Variants in BANK1 observed in about 807,000 individuals in gnomAD.
The protein encoded by BANK1 is B-cell scaffold protein with ankyrin repeats.
BANK1 carries 95 observed loss-of-function variants against 94.5 expected under a neutral mutation model. The ratio of observed to expected loss-of-function variants is 1.00; its 90% CI spans 0.85 to 1.19. The LOEUF is 1.19. Ranked by LOEUF, BANK1 falls within the 50% of genes most tolerant of loss-of-function variation. The pLI, the probability that BANK1 is intolerant of heterozygous loss-of-function variation, is 0.00. For synonymous variants in BANK1, 334 were observed against 308.4 expected, an observed-to-expected ratio of 1.08 and a Z score of -0.87; for missense variants, 987 against 932.2, an observed-to-expected ratio of 1.06 and a Z score of -0.77.
chr4:101,906,344 G>T (rs192493944), intron 6 of BANK1, among the ~76,000 whole-genome samples: 1 of 152,090 alleles, frequency 6.6e-6, no homozygotes, highest in Non-Finnish European at 1.5e-5. Flanking sequence ...CCTGTTGATC[G>T]GGGGGTATAT....
intron 2 of BANK1, among the ~76,000 whole-genome samples, chr4:101,836,504 C>CA: frequency 6.6e-6 from 1 of 152,096 alleles, no homozygotes; most frequent in African/African-American, 2.4e-5. Context: ...GAAACAAAAA[C>CA]AAAAAAATTT....
At chr4:101,833,681 T>C (rs1398777654) in intron 2 of BANK1, among the ~76,000 whole-genome samples, 2 of 152,238 alleles carry the variant, frequency 1.3e-5, no homozygotes, top group Non-Finnish European at 2.9e-5. Context: ...ATCACTGTTT[T>C]AGGAAACAGT....
intron 2 of BANK1, among the ~76,000 whole-genome samples, chr4:101,847,233 GTGTA>G (rs1727283529): frequency 7.5e-6 from 1 of 132,726 alleles, no homozygotes; most frequent in Non-Finnish European, 1.6e-5. Flanking sequence ...GTGTGTGTGT[GTGTA>G]TGTATATAGT....
At chr4:101,999,421 GA>G (rs960525410) in intron 7 of BANK1, among the ~76,000 whole-genome samples, 15 of 152,066 alleles carry the variant, frequency 9.9e-5, no homozygotes, top group African/African-American at 3.6e-4. Context: ...TTGTTTCAAA[GA>G]AAATGGATGT....
At chr4:101,819,301 T>A (rs554308888) in intron 1 of BANK1, among the ~76,000 whole-genome samples, 1 of 152,320 alleles carries the variant, frequency 6.6e-6, no homozygotes, top group East Asian at 1.9e-4. Flanking sequence ...GGAAGATTTA[T>A]GGTACCCATG....
intron 13 of BANK1, among the ~76,000 whole-genome samples, chr4:102,069,685 A>G (rs778403161): frequency 6.6e-6 from 1 of 152,262 alleles, no homozygotes; most frequent in Non-Finnish European, 1.5e-5. Flanking sequence ...CAAACTGGAA[A>G]CAATTAAACT....
chr4:101,838,911 G>C (rs1210312168), intron 2 of BANK1, among the ~76,000 whole-genome samples: 1 of 152,138 alleles, frequency 6.6e-6, no homozygotes, highest in African/African-American at 2.4e-5. Flanking sequence ...TAAGGTATAG[G>C]ATCATGTGAG....
At chr4:101,845,161 T>G (rs1022003277) in intron 2 of BANK1, among the ~76,000 whole-genome samples, 1 of 152,158 alleles carries the variant, frequency 6.6e-6, no homozygotes, top group African/African-American at 2.4e-5. Flanking sequence ...CGTTCCATGA[T>G]GTGATTATTA....
At chr4:102,018,630 T>C (rs997505336) in intron 7 of BANK1, among the ~76,000 whole-genome samples, 1 of 152,218 alleles carries the variant, frequency 6.6e-6, no homozygotes, top group East Asian at 1.9e-4. Context: ...CTACAAGGAC[T>C]ATCTGTGGGT....
intron 2 of BANK1, among the ~76,000 whole-genome samples, chr4:101,853,668 A>C (rs1336996220): frequency 6.6e-6 from 1 of 152,106 alleles, no homozygotes; most frequent in East Asian, 1.9e-4. Context: ...TTATGATTTG[A>C]CATATTAATG....
intron 7 of BANK1, among the ~76,000 whole-genome samples, chr4:101,937,013 A>G (rs1167317945): frequency 1.3e-5 from 2 of 151,702 alleles, no homozygotes; most frequent in Non-Finnish European, 3.0e-5. Flanking sequence ...TGTTTATTGC[A>G]GTACTGTTCA....
At chr4:102,037,345 A>C (rs1727542568) in intron 10 of BANK1, among the ~76,000 whole-genome samples, 1 of 152,258 alleles carries the variant, frequency 6.6e-6, no homozygotes, top group Non-Finnish European at 1.5e-5. Context: ...TTCCATTGTT[A>C]AGCCAGAGTA....
intron 7 of BANK1, among the ~76,000 whole-genome samples, chr4:101,980,490 G>C (rs1725292330): frequency 6.6e-6 from 1 of 151,350 alleles, no homozygotes; most frequent in Non-Finnish European, 1.5e-5. Context: ...TCATAAATGA[G>C]TCGTGACAGT....
chr4:102,021,963 A>G (rs1484491580), intron 8 of BANK1, among the ~76,000 whole-genome samples: 3 of 152,058 alleles, frequency 2.0e-5, no homozygotes, highest in Non-Finnish European at 4.4e-5. Context: ...TTGAACTAGA[A>G]TACTCTCTAA....
chr4:101,978,108 C>A (rs999604123), intron 7 of BANK1, among the ~76,000 whole-genome samples: 1 of 149,944 alleles, frequency 6.7e-6, no homozygotes, highest in Non-Finnish European at 1.5e-5. Flanking sequence ...GGAGTATTTT[C>A]CAAAACATTT....
intron 7 of BANK1, among the ~76,000 whole-genome samples, chr4:101,995,274 C>T (rs1282342103): frequency 6.6e-6 from 1 of 152,164 alleles, no homozygotes; most frequent in Non-Finnish European, 1.5e-5. Context: ...AGGACATGAA[C>T]TCATTCTTCT....
intron 12 of BANK1, chr4:102,061,590 T>C (rs911804596): frequency 1.3e-5 from 2 of 152,216 alleles, no homozygotes; most frequent in African/African-American, 4.8e-5. Context: ...ATTTTATAGA[T>C]TTTGTTGAAG....
At chr4:101,823,570 A>G (rs936374270) in intron 1 of BANK1, among the ~76,000 whole-genome samples, 1 of 152,182 alleles carries the variant, frequency 6.6e-6, no homozygotes, top group African/African-American at 2.4e-5. Context: ...CAATTTTATG[A>G]ATGGGCCAAC....
chr4:101,832,855 C>T (rs1347651335), intron 2 of BANK1, among the ~76,000 whole-genome samples: 2 of 151,244 alleles, frequency 1.3e-5, no homozygotes, highest in East Asian at 1.9e-4. Flanking sequence ...TCTTTTCCTC[C>T]CTCCCTCCCT....
Sources: gnomAD v4.1 joint callset for allele counts (sites outside exome capture counted in the v4.1 genomes callset) on GRCh38, gnomAD v4.1.1 for gene constraint, MANE v1.5 for transcripts, NCBI Gene and HGNC (gene_info 2026-07-23, HGNC 2026-07-21) for gene names.